Variants in FAM184B observed in about 807,000 individuals in gnomAD.
FAM184B encodes protein FAM184B.
In FAM184B, 111 loss-of-function variants were observed where a neutral mutation model predicts 135.9. That is an observed-to-expected ratio of 0.82 (90% CI 0.70 to 0.96). FAM184B has a LOEUF of 0.96. Among genes scored for constraint, FAM184B ranks in the 40% least tolerant of loss-of-function variants. The pLI is 0.00. For synonymous variants in FAM184B, 552 were observed against 524.8 expected (o/e 1.05, Z -0.71); for missense variants, 1,375 against 1,323.9 (o/e 1.04, Z -0.60).
rs532101560 is a variant in FAM184B, at chr4:17,741,265, G to A, written c.142-31621C>T. Reference sequence around the variant, plus strand: ...ATAAAGCAAGGAAGGGATATTGGGGGATGGAGTTACAATTTTAGACAAGGT... The same window carrying A: ...ATAAAGCAAGGAAGGGATATTGGGGAATGGAGTTACAATTTTAGACAAGGT... On this transcript the variant is annotated intron_variant, in intron 1 of 17. Transcript: ENST00000265018. 2.0e-4 allele frequency among the ~76,000 whole-genome samples: 31 copies of A among 152,308 alleles called. No homozygotes were observed. In the South Asian group the frequency reaches 6.4e-3, roughly 32 times the overall value.
intron 13 of FAM184B, among the ~76,000 whole-genome samples, chr4:17,640,823 T>G (rs967108113): frequency 2.0e-5 from 3 of 152,148 alleles, no homozygotes; most frequent in Non-Finnish European, 2.9e-5. Context: ...GATGATAGGT[T>G]TTTCACTTCT....
At chr4:17,770,516 T>G (rs1577297386) in intron 1 of FAM184B, among the ~76,000 whole-genome samples, 1 of 152,152 alleles carries the variant, frequency 6.6e-6, no homozygotes, top group Non-Finnish European at 1.5e-5. Context: ...CAGGCTGGAG[T>G]GCAGTGGCGA....
intron 14 of FAM184B, 140 bp from the exon 15 acceptor site, chr4:17,636,785 G>T (rs922206470): frequency 1.5e-6 from 1 of 670,456 alleles, no homozygotes; most frequent in African/African-American, 1.8e-5. Flanking sequence ...GCTTGCCCAG[G>T]GCCCCCTGGG....
Position 17,705,742 on chromosome 4 carries a change from CA to C in FAM184B, c.1170+9del. 6.4e-7 allele frequency: 1 copy of C among 1,551,556 alleles called. No individual in the cohort carries two copies. The highest frequency in any genetic ancestry group is 8.7e-7 in the Non-Finnish European group (1 of 1,146,928). ...GCCTTCTCCATCCCCAGGGCTGGGT[CA>C]GACACTACCTGCATATCTGTGCCTC... is the stretch of plus-strand genomic sequence containing the variant. On this transcript the variant is annotated intron_variant, in intron 4 of 17. Coordinates refer to ENST00000265018, the MANE Select transcript of FAM184B (RefSeq NM_015688.2).
At chr4:17,775,713 G>A (rs1718912366) in intron 1 of FAM184B, among the ~76,000 whole-genome samples, 1 of 152,138 alleles carries the variant, frequency 6.6e-6, no homozygotes, top group South Asian at 2.1e-4. Context: ...TCTCTGAGTG[G>A]AGGCTATTAT....
chr4:17,674,077 A>G (rs1447020635), intron 7 of FAM184B, among the ~76,000 whole-genome samples: 1 of 152,194 alleles, frequency 6.6e-6, no homozygotes, highest in East Asian at 1.9e-4. Context: ...GCAACAGGGT[A>G]GCCTAAAAGT....
intron 8 of FAM184B, among the ~76,000 whole-genome samples, chr4:17,663,786 G>C (rs1404844910): frequency 6.6e-6 from 1 of 152,148 alleles, no homozygotes; most frequent in Non-Finnish European, 1.5e-5. Context: ...CACGTGTTGA[G>C]GGTGGGACTT....
intron 9 of FAM184B, among the ~76,000 whole-genome samples, chr4:17,659,001 C>G (rs1715846498): frequency 6.6e-6 from 1 of 152,168 alleles, no homozygotes; most frequent in Non-Finnish European, 1.5e-5. Context: ...CCTGAGCCAT[C>G]ATTACCTTAG....
intron 15 of FAM184B, among the ~76,000 whole-genome samples, chr4:17,636,066 G>A (rs1715124620): frequency 6.6e-6 from 1 of 151,958 alleles, no homozygotes; most frequent in African/African-American, 2.4e-5. Flanking sequence ...CTATTTTCCT[G>A]TATTAATTTT....
chr4:17,640,079 G>A (rs572288990), intron 13 of FAM184B, among the ~76,000 whole-genome samples: 3 of 142,392 alleles, frequency 2.1e-5, no homozygotes, highest in South Asian at 2.4e-4. Context: ...TGATCCATGC[G>A]CTTCAGCCTC....
chr4:17,778,361 G>A (rs766094217), intron 1 of FAM184B, among the ~76,000 whole-genome samples: 2 of 152,060 alleles, frequency 1.3e-5, no homozygotes. Flanking sequence ...ACAACAGTGA[G>A]GGCAAAATTA....
chr4:17,760,981 T>A (rs1718533303), intron 1 of FAM184B, among the ~76,000 whole-genome samples: 1 of 152,076 alleles, frequency 6.6e-6, no homozygotes, highest in African/African-American at 2.4e-5. Flanking sequence ...ATTTGCACAG[T>A]CCCCTCCCCA....
intron 10 of FAM184B, among the ~76,000 whole-genome samples, chr4:17,653,867 G>A (rs893799010): frequency 1.0e-4 from 13 of 129,018 alleles, no homozygotes; most frequent in Non-Finnish European, 2.0e-4. Flanking sequence ...TTATAAGAGG[G>A]CCGTAGGAGG....
At chr4:17,658,250 G>C in intron 10 of FAM184B, 100 bp downstream of exon 10, 1 of 1,033,858 alleles carries the variant, frequency 9.7e-7, no homozygotes, top group African/African-American at 1.6e-5. Context: ...AAAGATGCTC[G>C]GGGGATTGGA....
intron 1 of FAM184B, among the ~76,000 whole-genome samples, chr4:17,750,248 C>T (rs1179336379): frequency 1.3e-5 from 2 of 152,196 alleles, no homozygotes; most frequent in Admixed American, 1.3e-4. Flanking sequence ...ATACTCTCAC[C>T]ATTATTGTGT....
At chr4:17,690,574 T>C (rs1716710546) in intron 6 of FAM184B, among the ~76,000 whole-genome samples, 2 of 152,184 alleles carry the variant, frequency 1.3e-5, no homozygotes, top group South Asian at 4.1e-4. Flanking sequence ...TCTAGCAACA[T>C]TGCAGGGGAA....
chr4:17,648,684 GTTC>G (rs1715531302), intron 11 of FAM184B, among the ~76,000 whole-genome samples: 1 of 152,042 alleles, frequency 6.6e-6, no homozygotes, highest in Non-Finnish European at 1.5e-5. Flanking sequence ...ATGTTCACAG[GTTC>G]TTCTTTCCAC....
intron 7 of FAM184B, among the ~76,000 whole-genome samples, chr4:17,669,102 G>A (rs1157674496): frequency 6.6e-6 from 1 of 152,178 alleles, no homozygotes; most frequent in Non-Finnish European, 1.5e-5. Context: ...TTTACTCTAT[G>A]TAACTAGAAA....
chr4:17,747,863 G>A (rs1718202869), intron 1 of FAM184B, among the ~76,000 whole-genome samples: 1 of 143,948 alleles, frequency 6.9e-6, no homozygotes. Context: ...GGAGCTTGCA[G>A]TGAGCCGAGA....
Sources: allele counts gnomAD v4.1 joint callset (sites outside exome capture counted in the v4.1 genomes callset), GRCh38; gene constraint gnomAD v4.1.1; transcripts MANE v1.5; gene names NCBI Gene and HGNC (gene_info 2026-07-23, HGNC 2026-07-21).